Variants in ZBTB20 observed in about 807,000 individuals in gnomAD.
ZBTB20 encodes zinc finger and BTB domain containing 20, also known as zinc finger and BTB domain-containing protein 20.
Under a neutral mutation model 56.9 loss-of-function variants are expected in ZBTB20, and 9 were observed. The ratio of observed to expected loss-of-function variants is 0.16; its 90% confidence interval spans 0.10 to 0.28. ZBTB20 has a LOEUF of 0.28. ZBTB20 is among the 10% of genes least tolerant of loss of function. The pLI is 1.00. For missense variants in ZBTB20, 655 were observed against 1,003.0 expected, an observed-to-expected ratio of 0.65 and a Z score of 4.69; for synonymous variants, 417 against 420.7, an observed-to-expected ratio of 0.99 and a Z score of 0.11.
chr3:114,440,100 T>C (rs1160918806), intron 7 of ZBTB20, among the ~76,000 whole-genome samples: 2 of 152,204 alleles, frequency 1.3e-5, no homozygotes, highest in African/African-American at 4.8e-5. Flanking sequence ...CTTACTTTTT[T>C]TTTTTTAAAA....
chr3:114,688,840 G>A (rs2062518431), intron 6 of ZBTB20, among the ~76,000 whole-genome samples: 1 of 152,066 alleles, frequency 6.6e-6, no homozygotes, highest in African/African-American at 2.4e-5. Flanking sequence ...AATTACTTTT[G>A]ACCGAAATGT....
In ZBTB20 at chr3:114,329,219, G is replaced by A. The variant is rs2079157224; in HGVS notation, c.*9786C>T. The A allele has an allele frequency of 2.0e-5, 3 of 152,322 alleles. No individual in the cohort carries two copies. In the South Asian group the frequency reaches 6.2e-4, roughly 32 times the overall value. The allele number at this position is 152,322 out of a possible 1,614,324, so 9.4% of individuals were successfully genotyped here. Reference sequence around the variant, plus strand: ...TAGAAAACAACAATCTATTAGGAAAGATGAAAGGAAGGAATTCCCCAGTGT... The same window carrying A: ...TAGAAAACAACAATCTATTAGGAAAAATGAAAGGAAGGAATTCCCCAGTGT... On this transcript the variant is annotated 3_prime_UTR_variant, in exon 12 of 12. Coordinates refer to ENST00000675478, the MANE Select transcript of ZBTB20 (RefSeq NM_001348800.3).
At chr3:114,546,849 A>G (rs1294395159) in intron 6 of ZBTB20, among the ~76,000 whole-genome samples, 1 of 152,212 alleles carries the variant, frequency 6.6e-6, no homozygotes, top group Non-Finnish European at 1.5e-5. Flanking sequence ...AGGGTTAAAA[A>G]AAGAATTTGG....
chr3:115,008,796 A>T (rs1455348764), intron 2 of ZBTB20, among the ~76,000 whole-genome samples: 1 of 151,886 alleles, frequency 6.6e-6, no homozygotes, highest in East Asian at 1.9e-4. Flanking sequence ...AGAAAGCAAG[A>T]TTTAAACAAA....
intron 2 of ZBTB20, among the ~76,000 whole-genome samples, chr3:115,061,269 C>T (rs575526755): frequency 1.1e-3 from 164 of 152,232 alleles, no homozygotes; most frequent in African/African-American, 3.8e-3. Context: ...TTATTTGCTT[C>T]CTTTTGGTTT....
chr3:115,134,972 G>T (rs907403059), intron 1 of ZBTB20, among the ~76,000 whole-genome samples: 1 of 152,182 alleles, frequency 6.6e-6, no homozygotes, highest in African/African-American at 2.4e-5. Context: ...ACTCCACCAG[G>T]ACATTCAGCT....
At chr3:114,877,682 C>T (rs550667350) in intron 4 of ZBTB20, among the ~76,000 whole-genome samples, 20 of 152,224 alleles carry the variant, frequency 1.3e-4, no homozygotes, top group African/African-American at 4.8e-4. Context: ...AGACGTAAGT[C>T]TTTTAAAAAT....
At chr3:115,115,696 T>C (rs1183243348) in intron 1 of ZBTB20, among the ~76,000 whole-genome samples, 2 of 152,064 alleles carry the variant, frequency 1.3e-5, no homozygotes, top group Non-Finnish European at 2.9e-5. Flanking sequence ...TAAATATGTT[T>C]GTATTTTAAT....
intron 2 of ZBTB20, among the ~76,000 whole-genome samples, chr3:115,036,952 C>T (rs1414522540): frequency 1.3e-5 from 2 of 152,282 alleles, no homozygotes; most frequent in East Asian, 3.9e-4. Flanking sequence ...AATTTAGTTT[C>T]ATCACAGAGG....
At chr3:114,553,310 G>T (rs925361967) in intron 6 of ZBTB20, among the ~76,000 whole-genome samples, 5 of 152,088 alleles carry the variant, frequency 3.3e-5, no homozygotes, top group Non-Finnish European at 5.9e-5. Flanking sequence ...ATGTACATTA[G>T]GCAATTTTGT....
chr3:114,474,237 G>A (rs1355329922), intron 7 of ZBTB20, among the ~76,000 whole-genome samples: 2 of 152,190 alleles, frequency 1.3e-5, no homozygotes, highest in Non-Finnish European at 1.5e-5. Flanking sequence ...TATCCCACAG[G>A]AATATGTTAC....
At chr3:114,518,174 G>A (rs975667885) in intron 6 of ZBTB20, among the ~76,000 whole-genome samples, 1 of 152,108 alleles carries the variant, frequency 6.6e-6, no homozygotes, top group Non-Finnish European at 1.5e-5. Flanking sequence ...GGTTTGAGCA[G>A]GGTCATGAAG....
chr3:114,813,023 G>GCC (rs999434563), intron 4 of ZBTB20, among the ~76,000 whole-genome samples: 12 of 152,194 alleles, frequency 7.9e-5, no homozygotes, highest in Admixed American at 5.9e-4. Context: ...CCCGGTTCCC[G>GCC]CCCGCACCTC....
chr3:114,686,329 C>A (rs1286560754), intron 6 of ZBTB20, among the ~76,000 whole-genome samples: 3 of 152,152 alleles, frequency 2.0e-5, no homozygotes, highest in Non-Finnish European at 4.4e-5. Flanking sequence ...CAGTTATTCA[C>A]AGAATTTGGT....
chr3:114,926,661 T>A (rs2076168801), intron 3 of ZBTB20, among the ~76,000 whole-genome samples: 1 of 152,182 alleles, frequency 6.6e-6, no homozygotes, highest in South Asian at 2.1e-4. Context: ...AATAAGTACA[T>A]TTACAGAAAT....
At chr3:114,939,220 C>A (rs1417610300) in intron 3 of ZBTB20, among the ~76,000 whole-genome samples, 1 of 145,826 alleles carries the variant, frequency 6.9e-6, no homozygotes, top group Non-Finnish European at 1.5e-5. Context: ...AATCTAAATA[C>A]CAAAATAATA....
At chr3:114,829,510 A>G (rs1188485827) in intron 4 of ZBTB20, among the ~76,000 whole-genome samples, 2 of 151,902 alleles carry the variant, frequency 1.3e-5, no homozygotes, top group African/African-American at 4.8e-5. Flanking sequence ...AAGAGAGTTC[A>G]AGCTAAGGCA....
intron 8 of ZBTB20, chr3:114,387,483 AG>A (rs2085287424): frequency 6.6e-6 from 1 of 152,218 alleles, no homozygotes; most frequent in Non-Finnish European, 1.5e-5. Flanking sequence ...TTCCTACGAC[AG>A]GAATACATGC....
intron 3 of ZBTB20, among the ~76,000 whole-genome samples, chr3:114,966,227 C>G (rs1327667486): frequency 6.6e-6 from 1 of 151,900 alleles, no homozygotes; most frequent in Non-Finnish European, 1.5e-5. Context: ...AATCTCTTTC[C>G]CTTCCAGTAT....
Sources: gnomAD v4.1 joint callset for allele counts (sites outside exome capture counted in the v4.1 genomes callset) on GRCh38, gnomAD v4.1.1 for gene constraint, MANE v1.5 for transcripts, NCBI Gene and HGNC (gene_info 2026-07-23, HGNC 2026-07-21) for gene names.